Variants in ANKRD44 observed in about 807,000 individuals in gnomAD.
ANKRD44 encodes ankyrin repeat domain 44.
In ANKRD44, 35 loss-of-function variants were observed where a neutral mutation model predicts 116.0. That is an observed-to-expected ratio of 0.30 (90% confidence interval 0.23 to 0.40). The LOEUF (loss-of-function observed/expected upper bound fraction) is 0.40. Ranked by LOEUF, ANKRD44 falls within the 10% of genes least tolerant of loss-of-function variation. The pLI is 1.00. For missense variants in ANKRD44, 1,014 were observed against 1,242.6 expected (o/e 0.82, Z 2.77); for synonymous variants, 435 against 461.8 (o/e 0.94, Z 0.74).
At chr2:196,975,134 A>G (rs929201513) in intron 21 of ANKRD44, among the ~76,000 whole-genome samples, 7 of 152,180 alleles carry the variant, frequency 4.6e-5, no homozygotes, top group Non-Finnish European at 8.8e-5. Context: ...AGGGGACATT[A>G]CTACTAACCT....
intron 16 of ANKRD44, among the ~76,000 whole-genome samples, chr2:197,070,339 C>G (rs2077532955): frequency 6.6e-6 from 1 of 152,098 alleles, no homozygotes; most frequent in Admixed American, 6.6e-5. Context: ...AGTAAATTAG[C>G]TGTTCTTTAT....
At chr2:196,998,210 A>T (rs927433006) in intron 25 of ANKRD44, 127 bp downstream of exon 25, 41 of 698,764 alleles carry the variant, frequency 5.9e-5, no homozygotes, top group Non-Finnish European at 8.3e-5. Context: ...TTCAGTTGAC[A>T]AGACCCTGGG....
intron 17 of ANKRD44, among the ~76,000 whole-genome samples, chr2:197,018,869 C>G (rs936598231): frequency 6.6e-6 from 1 of 151,834 alleles, no homozygotes; most frequent in East Asian, 1.9e-4. Flanking sequence ...AGCATAAATC[C>G]CAAACATCTT....
intron 1 of ANKRD44, among the ~76,000 whole-genome samples, chr2:197,206,227 A>C (rs950233404): frequency 1.3e-5 from 2 of 152,196 alleles, no homozygotes; most frequent in African/African-American, 2.4e-5. Context: ...TTTTTCACTC[A>C]TTCTTTCAGT....
intron 3 of ANKRD44, among the ~76,000 whole-genome samples, chr2:197,141,741 C>T (rs1011316020): frequency 1.3e-5 from 2 of 152,174 alleles, no homozygotes; most frequent in Non-Finnish European, 2.9e-5. Context: ...TCCCCCATAA[C>T]AAAAATTATT....
At chr2:197,250,337 G>C (rs2082287372) in intron 1 of ANKRD44, among the ~76,000 whole-genome samples, 2 of 152,156 alleles carry the variant, frequency 1.3e-5, no homozygotes, top group Non-Finnish European at 2.9e-5. Context: ...TTTCTTATAA[G>C]GGAGGAATAT....
intron 9 of ANKRD44, among the ~76,000 whole-genome samples, chr2:197,104,757 C>G (rs1044190148): frequency 6.6e-6 from 1 of 152,192 alleles, no homozygotes; most frequent in Non-Finnish European, 1.5e-5. Flanking sequence ...GCCAAGTGTA[C>G]TGGCAAAACG....
intron 1 of ANKRD44, among the ~76,000 whole-genome samples, chr2:197,237,400 T>A (rs1476933314): frequency 6.6e-6 from 1 of 152,258 alleles, no homozygotes; most frequent in Non-Finnish European, 1.5e-5. Context: ...ACTTCAGCAA[T>A]ACTTTTCTCA....
At position 196,987,921 on chromosome 2, in the gene ANKRD44, T is replaced by C. The variant is rs2075856227; in HGVS notation, c.*1670A>G. 4.1e-6 allele frequency: 4 copies of C among 983,460 alleles called. No homozygotes were observed. In the African/African-American group the frequency reaches 5.2e-5, roughly 13 times the overall value. The allele number at this position is 983,460 out of a possible 1,614,324, so 60.9% of individuals were successfully genotyped here. ...ATTAAAATACAGAAATGATAGTTTT[T>C]AAAGTCATTTCTTTAAAAAAATTTT... On this transcript the variant is annotated 3_prime_UTR_variant, in exon 28 of 28. Transcript: ENST00000282272.
chr2:197,013,449 T>G, intron 18 of ANKRD44, 62 bp downstream of exon 18: 3 of 1,530,586 alleles, frequency 2.0e-6, no homozygotes, highest in Non-Finnish European at 2.7e-6. Flanking sequence ...GCTGCTTTCC[T>G]TCTATTAAAA....
At chr2:197,017,400 A>G (rs1204866456) in intron 17 of ANKRD44, among the ~76,000 whole-genome samples, 1 of 152,198 alleles carries the variant, frequency 6.6e-6, no homozygotes, top group East Asian at 1.9e-4. Flanking sequence ...TATGGTTTGA[A>G]TGTTTCTTCC....
At chr2:197,295,984 G>A (rs1226828280) in intron 1 of ANKRD44, among the ~76,000 whole-genome samples, 1 of 152,060 alleles carries the variant, frequency 6.6e-6, no homozygotes, top group African/African-American at 2.4e-5. Context: ...GAGCCCAGGA[G>A]GTCGAGCTAT....
chr2:197,018,324 A>G (rs4850747), intron 17 of ANKRD44, among the ~76,000 whole-genome samples: 16,180 of 152,092 alleles, frequency 0.11, 1,029 homozygotes, highest in East Asian at 0.16. Context: ...CTCTACCCTC[A>G]GTTTCAGCAT....
intron 1 of ANKRD44, among the ~76,000 whole-genome samples, chr2:197,240,161 G>A (rs947070266): frequency 6.6e-6 from 1 of 152,002 alleles, no homozygotes; most frequent in South Asian, 2.1e-4. Context: ...AATCGCCTGA[G>A]GTCAGGAGTT....
chr2:197,260,839 A>G (rs1402681794), intron 1 of ANKRD44, among the ~76,000 whole-genome samples: 1 of 97,006 alleles, frequency 1.0e-5, no homozygotes, highest in African/African-American at 4.1e-5. Context: ...GCCAGTGATG[A>G]TGAGCATTTT....
chr2:197,256,981 G>A (rs2082465172), intron 1 of ANKRD44, among the ~76,000 whole-genome samples: 1 of 152,160 alleles, frequency 6.6e-6, no homozygotes, highest in Non-Finnish European at 1.5e-5. Flanking sequence ...AGGAGGTACA[G>A]AAAAGAGAGA....
intron 4 of ANKRD44, among the ~76,000 whole-genome samples, chr2:197,131,894 A>G (rs1029889578): frequency 2.0e-5 from 3 of 152,178 alleles, no homozygotes; most frequent in Admixed American, 1.3e-4. Context: ...TTTCCCCTAC[A>G]GTTGCTCTTT....
At chr2:196,967,747 C>T (rs2075684310) in intron 21 of ANKRD44, among the ~76,000 whole-genome samples, 1 of 152,166 alleles carries the variant, frequency 6.6e-6, no homozygotes, top group Admixed American at 6.5e-5. Flanking sequence ...GATAGAAATG[C>T]TGTCATTAAG....
intron 4 of ANKRD44, among the ~76,000 whole-genome samples, chr2:197,130,812 A>G (rs532494909): frequency 1.3e-5 from 2 of 152,254 alleles, no homozygotes; most frequent in Non-Finnish European, 2.9e-5. Context: ...AGGGTAGAAC[A>G]TAAGTTTTTA....
Sources: allele counts gnomAD v4.1 joint callset (sites outside exome capture counted in the v4.1 genomes callset), GRCh38; gene constraint gnomAD v4.1.1; transcripts MANE v1.5; gene names NCBI Gene and HGNC (gene_info 2026-07-23, HGNC 2026-07-21).